The following ZDHHC24 variants were observed in gnomAD, a reference collection of about 807,000 sequenced individuals.
ZDHHC24 encodes zDHHC palmitoyltransferase 24.
ZDHHC24 carries 17 observed loss-of-function variants against 23.2 expected under a neutral mutation model. The observed-to-expected ratio is 0.73, with a 90% CI of 0.50 to 1.10. ZDHHC24 has a LOEUF of 1.10. Among genes scored for constraint, ZDHHC24 ranks in the 50% least tolerant of loss-of-function variants. ZDHHC24 has a pLI of 0.00. For missense variants in ZDHHC24, 366 were observed against 393.0 expected, an observed-to-expected ratio of 0.93 and a Z score of 0.58; for synonymous variants, 186 against 194.5, an observed-to-expected ratio of 0.96 and a Z score of 0.36.
chr11:66,534,712 T>C (rs530179630), downstream of ZDHHC24, among the ~76,000 whole-genome samples: 2 of 152,270 alleles, frequency 1.3e-5, no homozygotes, highest in East Asian at 3.9e-4. Flanking sequence ...TATTTGTTTT[T>C]TGAGACGGAG....
intron 4 of ZDHHC24, chr11:66,524,409 CAT>C: frequency 4.9e-6 from 1 of 202,274 alleles, no homozygotes; most frequent in Non-Finnish European, 1.0e-5. Context: ...CAGCCAGAGA[CAT>C]AGCAAATTTA....
chr11:66,521,631 C>T (rs1406791115), intron 4 of ZDHHC24: 4 of 476,942 alleles, frequency 8.4e-6, no homozygotes, highest in African/African-American at 5.9e-5. Flanking sequence ...ACAGGCTGGG[C>T]GCTGTGGCTC....
chr11:66,535,372 C>CTTT (rs759509135), downstream of ZDHHC24, among the ~76,000 whole-genome samples: 1 of 134,560 alleles, frequency 7.4e-6, no homozygotes, highest in African/African-American at 2.7e-5. Context: ...CCACACAAGG[C>CTTT]TTTTTTTTTT....
chr11:66,523,735 G>A (rs1856354474), intron 4 of ZDHHC24: 1 of 1,611,574 alleles, frequency 6.2e-7, no homozygotes, highest in African/African-American at 1.3e-5. Context: ...GGAAGAAGCT[G>A]TGGACAGTGC....
intron 4 of ZDHHC24, chr11:66,523,311 G>A (rs1207473787): frequency 1.8e-6 from 2 of 1,121,780 alleles, no homozygotes; most frequent in Non-Finnish European, 2.7e-6. Flanking sequence ...TACTAAGGTG[G>A]CAGAAGTGGA....
Position 66,545,900 on chromosome 11 carries a change from T to C in ZDHHC24, c.104A>G (p.Tyr35Cys). 1 of 1,540,462 alleles carries C rather than the reference T, an allele frequency of 6.5e-7. No individual in the cohort carries two copies. The highest frequency in any genetic ancestry group is 2.5e-5 in the East Asian group (1 of 40,620). Residue 35 changes from tyrosine (Y) to cysteine (C), a missense_variant, in exon 1 of 3, where the codon TAC (tyrosine) becomes TGC (cysteine). Tyr to Cys is a radical substitution (Grantham distance 194). Transcript: ENST00000310442. The surrounding 1 kb of genome is among the most constrained non-coding windows in gnomAD (Gnocchi z 4.5). ...WAAAVGLELA[Y>C]VLVLGPGPPP... ...CGGCCCGGGACCGAGCACCAGCACGTAAGCCAGCTCCAGGCCCACGGCCGC... is the reference window on the plus strand; with the variant it reads ...CGGCCCGGGACCGAGCACCAGCACGCAAGCCAGCTCCAGGCCCACGGCCGC...
intron 2 of ZDHHC24, among the ~76,000 whole-genome samples, chr11:66,540,177 G>T (rs11604824): frequency 0.015 from 2,341 of 152,208 alleles, 19 homozygotes; most frequent in Non-Finnish European, 0.024. Context: ...CAGCACTTTG[G>T]GGGGGCGAAG....
rs753791887 is a variant in ZDHHC24 at position 66,526,124 on chromosome 11, A to G, written c.*21+812T>C. 8.7e-6 allele frequency: 14 copies of G among 1,614,172 alleles called. No homozygotes were observed. Among genetic ancestry groups the G allele is most frequent in the Non-Finnish European group, 1.1e-5 (13 of 1,180,026 alleles). On this transcript the variant is annotated intron_variant, in intron 4 of 4. Coordinates refer to the ZDHHC24 transcript ENST00000526986. ...CTAAACTCTGACGTCTCCACATAGG[A>G]TGCAGTGACCAGCCTTTGCTTTGGC...
intron 4 of ZDHHC24, among the ~76,000 whole-genome samples, chr11:66,525,684 C>T (rs1451913316): frequency 6.6e-6 from 1 of 152,106 alleles, no homozygotes; most frequent in African/African-American, 2.4e-5. Context: ...GTGGTATGCT[C>T]GTTGAAAGAA....
At position 66,523,794 on chromosome 11, in the gene ZDHHC24, G is replaced by C. The variant is rs544274797; in HGVS notation, c.*22-2328C>G. On this transcript the variant is annotated intron_variant, in intron 4 of 4. Transcript: ENST00000526986. The stretch of plus-strand genomic sequence containing the variant: ...ATGAACCTCCTGGAGCAGCATTCCC[G>C]GGGCCTGCAGGCCGTCATGGCTGGG... 2.5e-6 allele frequency: 4 copies of C among 1,613,408 alleles called. No individual in the cohort carries two copies. Among genetic ancestry groups the C allele is most frequent in the Non-Finnish European group, 3.4e-6 (4 of 1,180,006 alleles).
At chr11:66,526,318 A>G in intron 4 of ZDHHC24, 1 of 967,280 alleles carries the variant, frequency 1.0e-6, no homozygotes, top group Non-Finnish European at 1.6e-6. Context: ...TAAGGCCTAC[A>G]GAAGTGTCCT....
chr11:66,542,142 G>C (rs1198587839), intron 2 of ZDHHC24, among the ~76,000 whole-genome samples: 3 of 152,100 alleles, frequency 2.0e-5, no homozygotes, highest in Non-Finnish European at 2.9e-5. Flanking sequence ...CTCAGTGCTG[G>C]AGCTTGGAGT....
downstream of ZDHHC24, chr11:66,531,168 C>A: frequency 1.6e-6 from 2 of 1,226,122 alleles, no homozygotes; most frequent in Non-Finnish European, 2.3e-6. Flanking sequence ...TCTCCCACCA[C>A]AGACCAGGCC....
downstream of ZDHHC24, among the ~76,000 whole-genome samples, chr11:66,534,914 C>T (rs1856914037): frequency 6.6e-6 from 1 of 151,894 alleles, no homozygotes; most frequent in Non-Finnish European, 1.5e-5. Context: ...CCAGAATGGT[C>T]TCGATCTCCT....
downstream of ZDHHC24, among the ~76,000 whole-genome samples, chr11:66,534,999 T>C (rs148435371): frequency 0.02 from 3,009 of 152,234 alleles, 87 homozygotes; most frequent in African/African-American, 0.068. Context: ...CTCAAGTGAT[T>C]CTCCTCCATC....
At chr11:66,532,178 A>AC, downstream of ZDHHC24, 3 of 876,998 alleles carry the variant, frequency 3.4e-6, no homozygotes, top group Non-Finnish European at 5.2e-6. Flanking sequence ...CTTCCTCACC[A>AC]CCCCCACTGT....
downstream of ZDHHC24, among the ~76,000 whole-genome samples, chr11:66,535,316 C>T (rs548222419): frequency 2.4e-4 from 37 of 151,904 alleles, no homozygotes; most frequent in African/African-American, 7.7e-4. Flanking sequence ...CTCAAGCCAT[C>T]GTCCCACCTC....
intron 2 of ZDHHC24, among the ~76,000 whole-genome samples, chr11:66,530,301 T>C (rs2134833234): frequency 6.6e-6 from 1 of 152,170 alleles, no homozygotes; most frequent in East Asian, 1.9e-4. Context: ...CTTTGGTAAC[T>C]GTGGGCAGCC....
downstream of ZDHHC24, chr11:66,531,969 G>T (rs758544060): frequency 2.5e-6 from 4 of 1,602,038 alleles, no homozygotes; most frequent in Non-Finnish European, 3.4e-6. Context: ...GCTTCGAGAA[G>T]GCCAAAGTGC....
Sources: allele counts gnomAD v4.1 joint callset (sites outside exome capture counted in the v4.1 genomes callset), GRCh38; gene constraint gnomAD v4.1.1; non-coding constraint Gnocchi (gnomAD v3.1); transcripts MANE v1.5; gene names NCBI Gene and HGNC (gene_info 2026-07-23, HGNC 2026-07-21).